The following SLC8A1 variants were observed in gnomAD, a reference collection of about 807,000 sequenced individuals.
SLC8A1 encodes solute carrier family 8 member A1, also known as sodium/calcium exchanger 1.
Under a neutral mutation model 68.3 loss-of-function variants are expected in SLC8A1, and 18 were observed. The observed-to-expected ratio is 0.26, with a 90% CI of 0.18 to 0.39. The LOEUF (loss-of-function observed/expected upper bound fraction) is 0.39, where lower values mean the gene tolerates loss of function less well. SLC8A1 is among the 10% of genes least tolerant of loss of function. The probability of loss-of-function intolerance (pLI) is 1.00; values close to 1 mark genes in which losing one functional copy is unlikely to be tolerated. For synonymous variants in SLC8A1, 475 were observed against 415.5 expected (o/e 1.14, Z -1.74); for missense variants, 985 against 1,156.7 (o/e 0.85, Z 2.15).
chr2:40,416,314 T>A (rs987083180), intron 2 of SLC8A1, among the ~76,000 whole-genome samples: 3 of 152,160 alleles, frequency 2.0e-5, no homozygotes, highest in Non-Finnish European at 2.9e-5. Flanking sequence ...ATCATCCATT[T>A]AACATATATA....
intron 2 of SLC8A1, among the ~76,000 whole-genome samples, chr2:40,399,624 TTA>T (rs1324959916): frequency 1.3e-5 from 2 of 152,204 alleles, no homozygotes; most frequent in African/African-American, 4.8e-5. Context: ...CCTTAAATTG[TTA>T]TGTTACCAAA....
intron 2 of SLC8A1, among the ~76,000 whole-genome samples, chr2:40,239,131 T>C (rs542045985): frequency 1.1e-3 from 164 of 152,132 alleles, no homozygotes; most frequent in African/African-American, 3.8e-3. Context: ...CATCATACCA[T>C]AGTAATCTTC....
At chr2:40,263,649 G>A (rs538163057) in intron 2 of SLC8A1, among the ~76,000 whole-genome samples, 40 of 152,218 alleles carry the variant, frequency 2.6e-4, no homozygotes, top group African/African-American at 9.4e-4. Flanking sequence ...ATGGAAAACT[G>A]GCTAGCCATA....
At chr2:40,442,783 T>C (rs1700745858) in intron 1 of SLC8A1, among the ~76,000 whole-genome samples, 1 of 152,194 alleles carries the variant, frequency 6.6e-6, no homozygotes, top group Non-Finnish European at 1.5e-5. Flanking sequence ...GAAATCATTC[T>C]ACTATAAAGA....
intron 2 of SLC8A1, among the ~76,000 whole-genome samples, chr2:40,200,566 C>T (rs1166803942): frequency 5.3e-5 from 8 of 151,432 alleles, no homozygotes; most frequent in African/African-American, 1.9e-4. Context: ...TCTTAGCCCC[C>T]TTATCATTGC....
intron 1 of SLC8A1, among the ~76,000 whole-genome samples, chr2:40,498,743 T>C (rs1705870472): frequency 6.6e-6 from 1 of 152,096 alleles, no homozygotes; most frequent in Non-Finnish European, 1.5e-5. Context: ...GATGAAGATA[T>C]AAAATCCATT....
intron 1 of SLC8A1, among the ~76,000 whole-genome samples, chr2:40,441,926 T>C (rs1288761200): frequency 6.6e-6 from 1 of 151,466 alleles, no homozygotes; most frequent in Non-Finnish European, 1.5e-5. Context: ...TGGGATGTAA[T>C]TAAACCAAAG....
At chr2:40,288,530 T>C (rs1324582339) in intron 2 of SLC8A1, among the ~76,000 whole-genome samples, 1 of 151,962 alleles carries the variant, frequency 6.6e-6, no homozygotes, top group East Asian at 1.9e-4. Flanking sequence ...AACACCCAAG[T>C]TGAGGAAAAC....
chr2:40,413,187 G>A (rs555453517), intron 2 of SLC8A1, among the ~76,000 whole-genome samples: 101 of 152,212 alleles, frequency 6.6e-4, no homozygotes, highest in Middle Eastern at 3.4e-3. Context: ...TGTGGAAGTC[G>A]GTGTGGCGAT....
chr2:40,344,326 A>G (rs1384841904), intron 2 of SLC8A1, among the ~76,000 whole-genome samples: 1 of 152,178 alleles, frequency 6.6e-6, no homozygotes, highest in Admixed American at 6.5e-5. Context: ...TAAGGTGTCA[A>G]GCACTGGGTC....
intron 2 of SLC8A1, among the ~76,000 whole-genome samples, chr2:40,404,099 T>A (rs1689599147): frequency 6.6e-6 from 1 of 152,172 alleles, no homozygotes; most frequent in Admixed American, 6.5e-5. Context: ...TCTCACTATG[T>A]TGACCAGGTT....
intron 1 of SLC8A1, among the ~76,000 whole-genome samples, chr2:40,501,119 G>A (rs547790562): frequency 9.2e-5 from 14 of 151,820 alleles, no homozygotes; most frequent in Admixed American, 6.6e-4. Flanking sequence ...AAATCTCCCC[G>A]GTTATTCACA....
chr2:40,232,362 G>C (rs1357763069), intron 2 of SLC8A1, among the ~76,000 whole-genome samples: 1 of 151,218 alleles, frequency 6.6e-6, no homozygotes, highest in East Asian at 1.9e-4. Context: ...ATTATTTTAA[G>C]AGAGATGGGG....
intron 2 of SLC8A1, among the ~76,000 whole-genome samples, chr2:40,295,587 T>C (rs527833320): frequency 6.6e-6 from 1 of 152,276 alleles, no homozygotes; most frequent in East Asian, 1.9e-4. Flanking sequence ...CAGAAAGTCA[T>C]TTATGTGCCA....
At chr2:40,137,764 A>G (rs545101820) in intron 7 of SLC8A1, among the ~76,000 whole-genome samples, 1 of 152,124 alleles carries the variant, frequency 6.6e-6, no homozygotes, top group Non-Finnish European at 1.5e-5. Context: ...TCGATGGTCA[A>G]CTGAACGACT....
At chr2:40,236,685 C>T (rs1384253332) in intron 2 of SLC8A1, among the ~76,000 whole-genome samples, 1 of 152,094 alleles carries the variant, frequency 6.6e-6, no homozygotes, top group African/African-American at 2.4e-5. Flanking sequence ...GATGCAGTTT[C>T]TTCCTAGTCT....
chr2:40,192,813 A>G (rs927595239), intron 2 of SLC8A1, among the ~76,000 whole-genome samples: 1 of 152,076 alleles, frequency 6.6e-6, no homozygotes, highest in Non-Finnish European at 1.5e-5. Flanking sequence ...AATTGCTTTC[A>G]CAAAGTTAGA....
At chr2:40,380,314 A>T (rs1681330156) in intron 2 of SLC8A1, among the ~76,000 whole-genome samples, 1 of 152,192 alleles carries the variant, frequency 6.6e-6, no homozygotes, top group Non-Finnish European at 1.5e-5. Flanking sequence ...GTCTATTTAC[A>T]AAACAGCCTG....
chr2:40,133,577 G>A (rs1053441112), intron 7 of SLC8A1, among the ~76,000 whole-genome samples: 26 of 151,964 alleles, frequency 1.7e-4, no homozygotes, highest in African/African-American at 6.3e-4. Context: ...CAATTTTTAA[G>A]CTTTTCTGGC....
Sources: allele counts gnomAD v4.1 joint callset (sites outside exome capture counted in the v4.1 genomes callset), GRCh38; gene constraint gnomAD v4.1.1; transcripts MANE v1.5; gene names NCBI Gene and HGNC (gene_info 2026-07-23, HGNC 2026-07-21).